Variants in TDRD7 observed in about 807,000 individuals in gnomAD.
TDRD7 encodes tudor domain containing 7.
Under a neutral mutation model 109.8 loss-of-function variants are expected in TDRD7, and 47 were observed. The observed-to-expected ratio is 0.43, with a 90% CI of 0.34 to 0.55. The LOEUF (loss-of-function observed/expected upper bound fraction) is 0.55. Among genes scored for constraint, TDRD7 ranks in the 20% least tolerant of loss-of-function variants. The pLI is 0.03. For synonymous variants in TDRD7, 424 were observed against 457.3 expected, an observed-to-expected ratio of 0.93 and a Z score of 0.93; for missense variants, 1,164 against 1,319.2, an observed-to-expected ratio of 0.88 and a Z score of 1.82.
intron 12 of TDRD7, 115 bp downstream of exon 12, chr9:97,475,584 G>A (rs1829005275): frequency 1.3e-6 from 1 of 797,678 alleles, no homozygotes; most frequent in Admixed American, 2.0e-5. Context: ...ATCAGTTTAT[G>A]AAATAAAACA....
At chr9:97,420,028 A>G (rs900329828) in intron 1 of TDRD7, among the ~76,000 whole-genome samples, 13 of 152,226 alleles carry the variant, frequency 8.5e-5, no homozygotes, top group Non-Finnish European at 1.3e-4. Flanking sequence ...CAGAATTTAC[A>G]TAAGAGAAAT....
chr9:97,422,928 A>G (rs964930911), intron 1 of TDRD7, among the ~76,000 whole-genome samples: 3 of 152,080 alleles, frequency 2.0e-5, no homozygotes, highest in Admixed American at 1.3e-4. Flanking sequence ...GTTGGATTTT[A>G]TTTGCTAATG....
At chr9:97,420,480 T>C (rs577631718) in intron 1 of TDRD7, among the ~76,000 whole-genome samples, 52 of 152,242 alleles carry the variant, frequency 3.4e-4, no homozygotes, top group Non-Finnish European at 5.1e-4. Context: ...ACCACTGATC[T>C]AATTTCTGTG....
chr9:97,485,034 C>G (rs547821635), intron 15 of TDRD7, among the ~76,000 whole-genome samples: 1 of 152,294 alleles, frequency 6.6e-6, no homozygotes, highest in South Asian at 2.1e-4. Flanking sequence ...TATATAAAAA[C>G]AGATAATCTG....
Position 97,474,586 on chromosome 9 carries a change from G to A in TDRD7, c.2080-797G>A, listed in dbSNP as rs192337767. Among the ~76,000 whole-genome samples the A allele has an allele frequency of 5.7e-3, 862 of 152,234 alleles. 16 individuals carry two copies. Among genetic ancestry groups the A allele is most frequent in the Non-Finnish European group, 3.6e-3 (246 of 68,006 alleles). Reference sequence around the variant, plus strand: ...AAACCCGCATTCAAAGTACAGTCTGGAATTGAGACATTCCTATAGCTTTAT... The same window carrying A: ...AAACCCGCATTCAAAGTACAGTCTGAAATTGAGACATTCCTATAGCTTTAT... On this transcript the variant is annotated intron_variant, in intron 11 of 16. Transcript: ENST00000355295.
intron 1 of TDRD7, among the ~76,000 whole-genome samples, chr9:97,424,352 G>A (rs1027854325): frequency 6.6e-6 from 1 of 151,888 alleles, no homozygotes; most frequent in African/African-American, 2.4e-5. Flanking sequence ...CACCACACCC[G>A]GCCAGCTCTC....
chr9:97,437,812 T>A (rs1587866073), intron 4 of TDRD7, among the ~76,000 whole-genome samples: 1 of 152,236 alleles, frequency 6.6e-6, no homozygotes. Flanking sequence ...TGGACCAGTC[T>A]AACTCTTTGT....
At chr9:97,435,628 C>CCTGT (rs10665121) in intron 4 of TDRD7, among the ~76,000 whole-genome samples, 79,185 of 150,406 alleles carry the variant, frequency 0.53, 21,009 homozygotes, top group African/African-American at 0.6. Context: ...AGGGTAAGAC[C>CCTGT]CTCTTAAAAA....
intron 6 of TDRD7, among the ~76,000 whole-genome samples, chr9:97,456,972 A>G (rs1828624607): frequency 6.6e-6 from 1 of 152,230 alleles, no homozygotes; most frequent in Admixed American, 6.5e-5. Context: ...AAACATATGT[A>G]CAAGAAAAAA....
intron 1 of TDRD7, among the ~76,000 whole-genome samples, chr9:97,419,908 G>A (rs1054625886): frequency 2.0e-5 from 3 of 151,944 alleles, no homozygotes; most frequent in Non-Finnish European, 4.4e-5. Flanking sequence ...TACATCCCGC[G>A]ATATCTTAAG....
At chr9:97,481,599 T>G (rs1829117650) in intron 14 of TDRD7, among the ~76,000 whole-genome samples, 1 of 152,200 alleles carries the variant, frequency 6.6e-6, no homozygotes, top group African/African-American at 2.4e-5. Flanking sequence ...GACCTCTAAA[T>G]TATTCTAGCT....
At chr9:97,490,677 T>C (rs918826234) in intron 16 of TDRD7, among the ~76,000 whole-genome samples, 2 of 151,876 alleles carry the variant, frequency 1.3e-5, no homozygotes, top group Non-Finnish European at 2.9e-5. Flanking sequence ...TTTCTCTCCT[T>C]CTAGAATTCT....
At position 97,483,352 on chromosome 9, in the gene TDRD7, G is replaced by T. The variant is rs1829155898; in HGVS notation, c.2915+1G>T. On this transcript the variant is annotated splice_donor_variant, in intron 15 of 16. Coordinates refer to ENST00000355295, the MANE Select transcript of TDRD7 (RefSeq NM_014290.3). LOFTEE classifies it high-confidence loss of function. ...TGTATGCTGCAAAAGTGGAAAATAA[G>T]TAGGTCCTTGGACAAAGCATTTTAT... 6.2e-7 allele frequency: 1 copy of T among 1,613,314 alleles called. No individual in the cohort carries two copies. The highest frequency in any genetic ancestry group is 8.5e-7 in the Non-Finnish European group (1 of 1,179,998).
intron 16 of TDRD7, among the ~76,000 whole-genome samples, chr9:97,487,975 C>T (rs1829240886): frequency 6.6e-6 from 1 of 152,148 alleles, no homozygotes; most frequent in Non-Finnish European, 1.5e-5. Context: ...GCACAACTAA[C>T]AGCATACAAG....
At chr9:97,464,164 G>A (rs990731341) in intron 7 of TDRD7, among the ~76,000 whole-genome samples, 4 of 152,104 alleles carry the variant, frequency 2.6e-5, no homozygotes, top group African/African-American at 9.7e-5. Context: ...GCCTCCCTTG[G>A]TGTCTCCATT....
rs1201405784 is a variant in TDRD7, at chr9:97,495,861, T to C, written c.3275T>C (p.Ile1092Thr). ...WIHDFMSEYL[I>T]ELSKVN ...CATGATTTTATGTCAGAGTATCTGATAGAGCTTTCAAAAGTTAATTAATGA... is the reference window on the plus strand; with the variant it reads ...CATGATTTTATGTCAGAGTATCTGACAGAGCTTTCAAAAGTTAATTAATGA... Residue 1092 changes from isoleucine (I) to threonine (T), a missense_variant, in exon 17 of 17, where the codon ATA (isoleucine) becomes ACA (threonine). Coordinates refer to ENST00000355295, the MANE Select transcript of TDRD7 (RefSeq NM_014290.3). 1 of 1,614,020 alleles carries C rather than the reference T, an allele frequency of 6.2e-7. No individual in the cohort carries two copies. The highest frequency in any genetic ancestry group is 1.1e-5 in the South Asian group (1 of 91,084).
intron 1 of TDRD7, among the ~76,000 whole-genome samples, chr9:97,413,501 C>G (rs1021405389): frequency 2.0e-5 from 3 of 152,240 alleles, no homozygotes; most frequent in African/African-American, 7.2e-5. Flanking sequence ...TTCCTCCCAA[C>G]AAACGGTCCA....
Position 97,495,769 on chromosome 9 carries a change from C to T in TDRD7, c.3183C>T (p.Asn1061=). The T allele has an allele frequency of 1.9e-6, 3 of 1,614,154 alleles. No homozygotes were observed. The highest frequency in any genetic ancestry group is 2.5e-6 in the Non-Finnish European group (3 of 1,180,028). Residue 1061 remains asparagine, a synonymous_variant, in exon 17 of 17, where the codon AAC becomes AAT. Coordinates refer to ENST00000355295, the MANE Select transcript of TDRD7 (RefSeq NM_014290.3). ...ALVQTVIENA[N]PWDRKVVVYL... ...TGCAGACAGTCATTGAAAATGCTAACCCTTGGGACCGGAAAGTAGTGGTCT... is the reference window on the plus strand; with the variant it reads ...TGCAGACAGTCATTGAAAATGCTAATCCTTGGGACCGGAAAGTAGTGGTCT...
chr9:97,417,882 T>C (rs1827836684), intron 1 of TDRD7, among the ~76,000 whole-genome samples: 2 of 152,316 alleles, frequency 1.3e-5, no homozygotes, highest in Admixed American at 1.3e-4. Flanking sequence ...ATCCCAGCAC[T>C]TTGGGAGGCC....
Sources: gnomAD v4.1 joint callset for allele counts (sites outside exome capture counted in the v4.1 genomes callset) on GRCh38, gnomAD v4.1.1 for gene constraint, MANE v1.5 for transcripts, NCBI Gene and HGNC (gene_info 2026-07-23, HGNC 2026-07-21) for gene names.